The following GALNT13 variants were observed in gnomAD, a reference collection of about 807,000 sequenced individuals.
GALNT13 encodes the protein polypeptide N-acetylgalactosaminyltransferase 13.
A neutral mutation model predicts 64.2 loss-of-function variants in GALNT13; 28 were observed. The ratio of observed to expected loss-of-function variants is 0.44; its 90% CI spans 0.32 to 0.60. The LOEUF is 0.60. Ranked by LOEUF, GALNT13 falls within the 20% of genes least tolerant of loss-of-function variation. GALNT13 has a pLI of 0.05. For missense variants in GALNT13, 577 were observed against 669.8 expected (o/e 0.86, Z 1.53); for synonymous variants, 214 against 224.6 (o/e 0.95, Z 0.42).
At chr2:153,366,878 T>G in the GALNT13 span, among the ~76,000 whole-genome samples, 1 of 152,052 alleles carries the variant, frequency 6.6e-6, no homozygotes, top group East Asian at 1.9e-4. Context: ...ATAAGAATTA[T>G]GGTAAACTTC....
In GALNT13 at chr2:154,137,185, C is replaced by T. The variant is rs1437769914; in HGVS notation, c.143-3152C>T. ...AAAGTGTTTTCTTCTGGTAAGATGC[C>T]TTCCTCCAGGTAAAAGCCAGAAAAA... On this transcript the variant is annotated intron_variant, in intron 3 of 12. Coordinates refer to ENST00000392825, the MANE Select transcript of GALNT13 (RefSeq NM_052917.4). Among the ~76,000 whole-genome samples the T allele has an allele frequency of 3.3e-5, 5 of 152,090 alleles. No homozygotes were observed. The East Asian group carries it at 9.7e-4, about 29-fold the overall frequency.
At chr2:154,387,770 CT>C (rs1324533567) in intron 9 of GALNT13, among the ~76,000 whole-genome samples, 1 of 152,076 alleles carries the variant, frequency 6.6e-6, no homozygotes, top group Admixed American at 6.6e-5. Flanking sequence ...CTTTTTAAGG[CT>C]AAATAGTGCT....
the GALNT13 span, among the ~76,000 whole-genome samples, chr2:153,078,750 A>C: frequency 1.2e-4 from 18 of 152,208 alleles, no homozygotes; most frequent in African/African-American, 4.3e-4. Flanking sequence ...TTTAAATAAG[A>C]TGCTCTCATT....
intron 9 of GALNT13, among the ~76,000 whole-genome samples, chr2:154,309,064 G>A (rs1019770261): frequency 4.6e-5 from 7 of 152,048 alleles, no homozygotes; most frequent in African/African-American, 1.4e-4. Flanking sequence ...AAGTAGGAGG[G>A]ACTATGAACA....
chr2:154,048,872 T>C (rs1361887972), intron 3 of GALNT13, among the ~76,000 whole-genome samples: 1 of 152,092 alleles, frequency 6.6e-6, no homozygotes, highest in East Asian at 1.9e-4. Context: ...TATTTCATGA[T>C]TAAAGGTATG....
chr2:153,884,699 ATCTGAGG>A (rs1208147513), intron 1 of GALNT13, among the ~76,000 whole-genome samples: 1 of 149,972 alleles, frequency 6.7e-6, no homozygotes, highest in Non-Finnish European at 1.5e-5. Flanking sequence ...TGGGCGGATC[ATCTGAGG>A]TCAGGAGTTC....
chr2:153,318,330 G>T, the GALNT13 span, among the ~76,000 whole-genome samples: 1 of 152,148 alleles, frequency 6.6e-6, no homozygotes, highest in East Asian at 1.9e-4. Context: ...AGCCAATAAA[G>T]GTGTCCCATT....
intron 9 of GALNT13, among the ~76,000 whole-genome samples, chr2:154,391,658 T>A (rs1388146287): frequency 6.6e-6 from 1 of 152,206 alleles, no homozygotes; most frequent in African/African-American, 2.4e-5. Context: ...ATATGATGTG[T>A]ATTAAGCAAT....
At chr2:153,638,731 G>A in the GALNT13 span, among the ~76,000 whole-genome samples, 2 of 152,090 alleles carry the variant, frequency 1.3e-5, no homozygotes, top group African/African-American at 4.8e-5. Context: ...GGTAGATATA[G>A]TGGTAAGAAT....
the GALNT13 span, among the ~76,000 whole-genome samples, chr2:153,677,609 C>G: frequency 6.6e-6 from 1 of 151,948 alleles, no homozygotes; most frequent in South Asian, 2.1e-4. Context: ...CAAGACAATC[C>G]TAAGCCAATG....
At chr2:153,664,051 A>G in the GALNT13 span, among the ~76,000 whole-genome samples, 1 of 152,184 alleles carries the variant, frequency 6.6e-6, no homozygotes, top group Non-Finnish European at 1.5e-5. Flanking sequence ...ATGAGGTTCC[A>G]TGTCCCGCTG....
At chr2:153,309,317 A>G in the GALNT13 span, among the ~76,000 whole-genome samples, 1 of 152,294 alleles carries the variant, frequency 6.6e-6, no homozygotes, top group African/African-American at 2.4e-5. Flanking sequence ...TTGATGTAAG[A>G]GTTAAGAGAT....
chr2:153,179,402 TTTG>T, the GALNT13 span, among the ~76,000 whole-genome samples: 2 of 152,218 alleles, frequency 1.3e-5, no homozygotes, highest in Non-Finnish European at 2.9e-5. Flanking sequence ...TCCTTTTCCA[TTTG>T]TTAATGAGCC....
intron 9 of GALNT13, among the ~76,000 whole-genome samples, chr2:154,362,669 T>C (rs1697142010): frequency 2.0e-5 from 3 of 152,142 alleles, no homozygotes; most frequent in Admixed American, 1.3e-4. Flanking sequence ...ATTGTTGACT[T>C]ACAGAATTAT....
chr2:153,755,971 G>A, the GALNT13 span, among the ~76,000 whole-genome samples: 41 of 151,946 alleles, frequency 2.7e-4, no homozygotes, highest in Admixed American at 2.0e-3. Flanking sequence ...GTCATTCTCC[G>A]CAACATTTTC....
At chr2:153,879,577 T>C (rs1425348740) in intron 1 of GALNT13, among the ~76,000 whole-genome samples, 2 of 152,052 alleles carry the variant, frequency 1.3e-5, no homozygotes, top group East Asian at 3.9e-4. Flanking sequence ...CTCACTATGT[T>C]GCCCAGGCTG....
chr2:153,071,822 G>A, the GALNT13 span, among the ~76,000 whole-genome samples: 23 of 152,088 alleles, frequency 1.5e-4, no homozygotes, highest in African/African-American at 5.6e-4. Context: ...AGCTAAGAAT[G>A]GTTTTTATAT....
intron 9 of GALNT13, among the ~76,000 whole-genome samples, chr2:154,372,929 G>A (rs1266800066): frequency 6.6e-6 from 1 of 151,998 alleles, no homozygotes; most frequent in Admixed American, 6.6e-5. Context: ...TAAGTTAAAA[G>A]ATAAACTCAG....
chr2:153,430,117 A>C, the GALNT13 span, among the ~76,000 whole-genome samples: 1 of 152,148 alleles, frequency 6.6e-6, no homozygotes, highest in African/African-American at 2.4e-5. Flanking sequence ...TGAGAGTTTT[A>C]GATTGGACTT....
Sources: gnomAD v4.1 joint callset for allele counts (sites outside exome capture counted in the v4.1 genomes callset) on GRCh38, gnomAD v4.1.1 for gene constraint, MANE v1.5 for transcripts, NCBI Gene and HGNC (gene_info 2026-07-23, HGNC 2026-07-21) for gene names.